ANAPC1: variants seen among roughly 807,000 people sequenced by gnomAD.
The protein encoded by ANAPC1 is anaphase-promoting complex subunit 1.
Under a neutral mutation model 208.0 loss-of-function variants are expected in ANAPC1, and 36 were observed. The observed-to-expected ratio is 0.17, with a 90% CI of 0.13 to 0.23. The LOEUF is 0.23. ANAPC1 is among the 10% of genes least tolerant of loss of function. The probability of loss-of-function intolerance (pLI) is 1.00; values close to 1 mark genes in which losing one functional copy is unlikely to be tolerated. For synonymous variants in ANAPC1, 378 were observed against 695.2 expected (o/e 0.54, Z 7.18); for missense variants, 942 against 2,011.6 (o/e 0.47, Z 10.17).
At chr2:111,880,523 C>G in intron 2 of ANAPC1, 90 bp downstream of exon 2, 1 of 1,479,812 alleles carries the variant, frequency 6.8e-7, no homozygotes, top group Non-Finnish European at 9.0e-7. Context: ...GGCATCACAC[C>G]GATCTCTCAG....
intron 13 of ANAPC1, among the ~76,000 whole-genome samples, chr2:111,853,897 T>C (rs1681552892): frequency 6.6e-6 from 1 of 152,054 alleles, no homozygotes; most frequent in South Asian, 2.1e-4. Flanking sequence ...TTTGTACTTT[T>C]AGTAGACACA....
intron 1 of ANAPC1, among the ~76,000 whole-genome samples, chr2:111,881,507 T>G (rs1683295627): frequency 6.6e-6 from 1 of 152,156 alleles, no homozygotes; most frequent in Non-Finnish European, 1.5e-5. Context: ...GCTTGCAGAT[T>G]TAAGGGTACT....
chr2:111,864,649 A>C (rs1366587739), intron 8 of ANAPC1, among the ~76,000 whole-genome samples, 157 bp downstream of exon 8: 1 of 151,554 alleles, frequency 6.6e-6, no homozygotes, highest in Non-Finnish European at 1.5e-5. Context: ...TTTGGTATAG[A>C]TGGGGTTTCA....
rs141096787 is a variant in ANAPC1, at chr2:111,791,007, T to C, written c.4712+1355A>G. Among the ~76,000 whole-genome samples the C allele has an allele frequency of 9.8e-3, 1,498 of 152,350 alleles. 18 individuals carry two copies. Among genetic ancestry groups the C allele is most frequent in the African/African-American group, 0.035 (1,435 of 41,578 alleles). On this transcript the variant is annotated intron_variant, in intron 38 of 47. Transcript: ENST00000341068. ...GAGATTGGTTGCACGGCAGTGTGAA[T>C]ATAATTAACACTACTTAATTGCATA... is the stretch of plus-strand genomic sequence containing the variant.
chr2:111,807,359 A>T (rs1334173198), intron 29 of ANAPC1, among the ~76,000 whole-genome samples: 1 of 150,770 alleles, frequency 6.6e-6, no homozygotes, highest in Non-Finnish European at 1.5e-5. Context: ...ATATTACACA[A>T]AATTTGTTTT....
chr2:111,856,191 TG>T (rs1349580454), intron 13 of ANAPC1, among the ~76,000 whole-genome samples: 2 of 152,184 alleles, frequency 1.3e-5, no homozygotes, highest in African/African-American at 4.8e-5. Context: ...GCCGAGATCG[TG>T]CCATTGCACT....
chr2:111,782,254 A>G (rs1403742412), intron 43 of ANAPC1, 115 bp downstream of exon 43: 50 of 1,041,634 alleles, frequency 4.8e-5, no homozygotes, highest in Non-Finnish European at 6.6e-5. Flanking sequence ...GTCAGTCTTT[A>G]CAATCTGCAA....
rs567271486 is a variant in ANAPC1, at chr2:111,770,434, T to C, written c.5720-1028A>G. Among the ~76,000 whole-genome samples, 394 of 145,208 alleles carry C rather than the reference T, an allele frequency of 2.7e-3. 16 individuals are homozygous for C. Among genetic ancestry groups the C allele is most frequent in the African/African-American group, 0.01 (375 of 36,846 alleles). ...GACTAGGTATGGTTTTCTTTGTATTTATCCTGCTTAGGGTTCACTGTGGGT... is the reference window on the plus strand; with the variant it reads ...GACTAGGTATGGTTTTCTTTGTATTCATCCTGCTTAGGGTTCACTGTGGGT... On this transcript the variant is annotated intron_variant, in intron 47 of 47. Coordinates refer to ENST00000341068, the MANE Select transcript of ANAPC1 (RefSeq NM_022662.4).
chr2:111,837,113 G>A lies in ANAPC1; in HGVS notation c.2115+1325C>T, dbSNP rs1474563373. Among the ~76,000 whole-genome samples the A allele has an allele frequency of 2.0e-5, 3 of 151,472 alleles. 1 individual carries two copies. The highest frequency in any genetic ancestry group is 4.4e-5 in the Non-Finnish European group (3 of 67,968). On this transcript the variant is annotated intron_variant, in intron 18 of 47. Coordinates refer to ENST00000341068, the MANE Select transcript of ANAPC1 (RefSeq NM_022662.4). ...AAGAAGGATAGATAAACAAACCATG[G>A]TATATTCACACTACTCAGCAATAAA...
chr2:111,774,486 T>C (rs1457255517), intron 46 of ANAPC1, among the ~76,000 whole-genome samples: 1 of 15,272 alleles, frequency 6.5e-5, no homozygotes, highest in African/African-American at 2.8e-4. Context: ...TTTGAACAGC[T>C]CATCATGAAG....
intron 6 of ANAPC1, among the ~76,000 whole-genome samples, chr2:111,869,441 C>T (rs1052850151): frequency 6.6e-6 from 1 of 152,130 alleles, no homozygotes; most frequent in Non-Finnish European, 1.5e-5. Flanking sequence ...GACAGGGTTT[C>T]GCCACGTTGG....
chr2:111,863,358 A>G (rs1682188036), intron 9 of ANAPC1, among the ~76,000 whole-genome samples: 1 of 151,694 alleles, frequency 6.6e-6, no homozygotes, highest in African/African-American at 2.4e-5. Context: ...AATACAAAAA[A>G]AAAAAAAACT....
intron 18 of ANAPC1, among the ~76,000 whole-genome samples, chr2:111,836,017 G>A (rs1680447662): frequency 6.6e-6 from 1 of 152,120 alleles, no homozygotes; most frequent in African/African-American, 2.4e-5. Flanking sequence ...TAATTTACAA[G>A]TAGATAAAGA....
downstream of ANAPC1, chr2:111,767,578 T>C (rs1676507454): frequency 6.5e-6 from 1 of 153,208 alleles, no homozygotes; most frequent in Non-Finnish European, 1.4e-5. Context: ...TTTGCTTTCA[T>C]CGACAATGTT....
rs185293591 is a variant in ANAPC1 at position 111,840,643 on chromosome 2, G to A, written c.2041-2131C>T. On this transcript the variant is annotated intron_variant, in intron 17 of 47. Transcript: ENST00000341068. ...ACACAAAACTACAGAAAGCTGACGC[G>A]TTTTTTCATAATGTAGAAATCCAGT... 3.8e-3 allele frequency among the ~76,000 whole-genome samples: 582 copies of A among 152,242 alleles called. 3 individuals carry two copies. Among genetic ancestry groups the A allele is most frequent in the African/African-American group, 0.011 (445 of 41,556 alleles).
intron 14 of ANAPC1, among the ~76,000 whole-genome samples, chr2:111,850,543 T>C (rs1051405224): frequency 4.0e-5 from 6 of 151,000 alleles, no homozygotes; most frequent in African/African-American, 9.8e-5. Flanking sequence ...CTCCACACAA[T>C]TGTGAGATCC....
intron 21 of ANAPC1, among the ~76,000 whole-genome samples, chr2:111,826,709 G>A (rs1679856758): frequency 6.8e-6 from 1 of 146,252 alleles, no homozygotes. Context: ...TCGCCAGGCT[G>A]GAGCGCAGTG....
intron 10 of ANAPC1, among the ~76,000 whole-genome samples, chr2:111,859,868 C>T (rs1681958962): frequency 1.3e-5 from 2 of 152,184 alleles, no homozygotes; most frequent in Non-Finnish European, 2.9e-5. Flanking sequence ...ATTTTCAATA[C>T]TTTCCCTTGA....
rs181958871 is a variant in ANAPC1, at chr2:111,882,269, C to T, written c.-24-1420G>A. ...TTGAAGTTTCCTCAGTCTCCTAGTT[C>T]GGTGGCCCTGCAAGTAAAACACTTT... On this transcript the variant is annotated intron_variant, in intron 1 of 47. Transcript: ENST00000341068. Among the ~76,000 whole-genome samples the T allele has an allele frequency of 7.7e-4, 117 of 151,880 alleles. 1 individual carries two copies. The highest frequency in any genetic ancestry group is 2.4e-3 in the Admixed American group (36 of 15,250).
Sources: allele counts gnomAD v4.1 joint callset (sites outside exome capture counted in the v4.1 genomes callset), GRCh38; gene constraint gnomAD v4.1.1; transcripts MANE v1.5; gene names NCBI Gene and HGNC (gene_info 2026-07-23, HGNC 2026-07-21).